Variants in B3GALT1 observed in about 807,000 individuals in gnomAD.
B3GALT1 encodes UDP-Gal:betaGlcNAc beta 1,3-galactosyltransferase, polypeptide 1.
A neutral mutation model predicts 23.2 loss-of-function variants in B3GALT1; 10 were observed. The observed-to-expected ratio is 0.43, with a 90% CI of 0.27 to 0.73. The LOEUF is 0.73. B3GALT1 is among the 30% of genes least tolerant of loss of function. The pLI is 0.21. For synonymous variants in B3GALT1, 156 were observed against 141.5 expected, an observed-to-expected ratio of 1.10 and a Z score of -0.73; for missense variants, 299 against 405.4, an observed-to-expected ratio of 0.74 and a Z score of 2.25.
intron 3 of B3GALT1, among the ~76,000 whole-genome samples, chr2:167,803,120 A>ACACCCC (rs1369112213): frequency 1.2e-4 from 16 of 136,632 alleles, no homozygotes; most frequent in Non-Finnish European, 2.0e-4. Flanking sequence ...ACACACACAC[A>ACACCCC]CCCCTTGGTT....
intron 1 of B3GALT1, among the ~76,000 whole-genome samples, chr2:167,374,211 C>G (rs1371218825): frequency 2.6e-5 from 4 of 152,180 alleles, no homozygotes; most frequent in Non-Finnish European, 5.9e-5. Flanking sequence ...TCTTTTATGA[C>G]TGCATAGTAT....
At chr2:167,785,899 A>G (rs1688335833) in intron 3 of B3GALT1, among the ~76,000 whole-genome samples, 2 of 152,154 alleles carry the variant, frequency 1.3e-5, no homozygotes, top group South Asian at 4.1e-4. Context: ...AGCTCTGTTC[A>G]CCCTTGGGAT....
At chr2:167,512,792 T>C (rs1012412554) in intron 2 of B3GALT1, among the ~76,000 whole-genome samples, 2 of 147,414 alleles carry the variant, frequency 1.4e-5, no homozygotes, top group East Asian at 4.0e-4. Flanking sequence ...CACAGATGCA[T>C]GCTACCATAC....
intron 1 of B3GALT1, among the ~76,000 whole-genome samples, chr2:167,409,198 C>T (rs1237408058): frequency 6.6e-6 from 1 of 152,146 alleles, no homozygotes; most frequent in Non-Finnish European, 1.5e-5. Flanking sequence ...TCCTTCATTT[C>T]AACCTTGGAG....
intron 3 of B3GALT1, among the ~76,000 whole-genome samples, chr2:167,796,220 A>G (rs1057252931): frequency 6.6e-6 from 1 of 152,222 alleles, no homozygotes; most frequent in Non-Finnish European, 1.5e-5. Context: ...AGGAAGCTCA[A>G]TGCAAATCTA....
At chr2:167,461,646 G>C (rs1366304897) in intron 1 of B3GALT1, among the ~76,000 whole-genome samples, 1 of 151,968 alleles carries the variant, frequency 6.6e-6, no homozygotes, top group East Asian at 1.9e-4. Flanking sequence ...ATTTTCAAAA[G>C]CATTATGTTT....
chr2:167,715,840 T>C, intron 3 of B3GALT1: 1 of 1,613,920 alleles, frequency 6.2e-7, no homozygotes, highest in African/African-American at 1.3e-5. Flanking sequence ...CAAGTTTTTT[T>C]CTCTCTTCCC....
chr2:167,428,969 A>G (rs1179734756), intron 1 of B3GALT1, among the ~76,000 whole-genome samples: 2 of 152,102 alleles, frequency 1.3e-5, no homozygotes, highest in African/African-American at 4.8e-5. Context: ...CACAAATACA[A>G]TACACTACAA....
At chr2:167,609,539 G>A (rs977458969) in intron 2 of B3GALT1, among the ~76,000 whole-genome samples, 3 of 152,046 alleles carry the variant, frequency 2.0e-5, no homozygotes, top group Non-Finnish European at 2.9e-5. Flanking sequence ...TAGTTCCCCT[G>A]TGATTTAGGA....
chr2:167,434,879 A>G (rs1574077005), intron 1 of B3GALT1, among the ~76,000 whole-genome samples: 1 of 152,268 alleles, frequency 6.6e-6, no homozygotes, highest in East Asian at 1.9e-4. Context: ...AAAAGCAGCA[A>G]ACAAAACATA....
chr2:167,735,174 A>G (rs1422383084), intron 3 of B3GALT1, among the ~76,000 whole-genome samples: 1 of 152,348 alleles, frequency 6.6e-6, no homozygotes, highest in Middle Eastern at 3.4e-3. Context: ...CAATTTCCAA[A>G]ACCACACAGA....
intron 2 of B3GALT1, among the ~76,000 whole-genome samples, chr2:167,598,087 C>G (rs576483660): frequency 6.6e-6 from 1 of 152,092 alleles, no homozygotes; most frequent in Non-Finnish European, 1.5e-5. Context: ...GTACGGAATT[C>G]ACATGTGTTT....
chr2:167,656,094 C>T (rs532088059), intron 3 of B3GALT1, among the ~76,000 whole-genome samples: 1 of 152,252 alleles, frequency 6.6e-6, no homozygotes, highest in Non-Finnish European at 1.5e-5. Flanking sequence ...GTCCTCTTCC[C>T]ATCCCATAGA....
chr2:167,539,385 G>T (rs901242129), intron 2 of B3GALT1, among the ~76,000 whole-genome samples: 1 of 152,054 alleles, frequency 6.6e-6, no homozygotes, highest in East Asian at 1.9e-4. Context: ...TAATTTCTCC[G>T]AGTGGTAAAG....
chr2:167,834,410 G>A (rs1322281002), intron 4 of B3GALT1, among the ~76,000 whole-genome samples: 2 of 152,180 alleles, frequency 1.3e-5, no homozygotes, highest in African/African-American at 4.8e-5. Flanking sequence ...AGAAGATGGA[G>A]AAAGATTGGC....
intron 1 of B3GALT1, among the ~76,000 whole-genome samples, chr2:167,339,328 T>C (rs1162277847): frequency 6.6e-6 from 1 of 152,028 alleles, no homozygotes. Context: ...ACACAACTTA[T>C]ATATAGTTTA....
At chr2:167,821,810 G>A (rs1689113221) in intron 4 of B3GALT1, among the ~76,000 whole-genome samples, 1 of 152,040 alleles carries the variant, frequency 6.6e-6, no homozygotes, top group Admixed American at 6.5e-5. Flanking sequence ...ATTGTAGTTT[G>A]GTAGCTTTAC....
chr2:167,784,887 T>C (rs1203085813), intron 3 of B3GALT1, among the ~76,000 whole-genome samples: 1 of 152,196 alleles, frequency 6.6e-6, no homozygotes, highest in Non-Finnish European at 1.5e-5. Context: ...ACTTTGAATT[T>C]TTAAGGTAAT....
chr2:167,748,195 G>A (rs1011869864), intron 3 of B3GALT1, among the ~76,000 whole-genome samples: 1 of 152,152 alleles, frequency 6.6e-6, no homozygotes, highest in Admixed American at 6.5e-5. Context: ...TATGTGGGGA[G>A]TGTTAAACAA....
Sources: allele counts gnomAD v4.1 joint callset (sites outside exome capture counted in the v4.1 genomes callset), GRCh38; gene constraint gnomAD v4.1.1; transcripts MANE v1.5; gene names NCBI Gene and HGNC (gene_info 2026-07-23, HGNC 2026-07-21).